Variants in SLC1A3 observed in about 807,000 individuals in gnomAD.
SLC1A3 encodes excitatory amino acid transporter 1.
SLC1A3 carries 21 observed loss-of-function variants against 48.1 expected under a neutral mutation model. The ratio of observed to expected loss-of-function variants is 0.44; its 90% confidence interval spans 0.31 to 0.63. The LOEUF (loss-of-function observed/expected upper bound fraction) is 0.63, where lower values mean the gene tolerates loss of function less well. SLC1A3 is among the 20% of genes least tolerant of loss of function. The pLI is 0.08. For missense variants in SLC1A3, 546 were observed against 689.0 expected (o/e 0.79, Z 2.32); for synonymous variants, 239 against 251.4 (o/e 0.95, Z 0.47).
chr5:36,603,855 T>A (rs546262779), upstream of SLC1A3, among the ~76,000 whole-genome samples: 42 of 152,318 alleles, frequency 2.8e-4, 1 homozygote, highest in Admixed American at 7.2e-4. Context: ...ATCATTAAAT[T>A]AAAAATCAAC....
At chr5:36,600,825 C>T (rs1300046664) in intron 1 of SLC1A3, among the ~76,000 whole-genome samples, 7 of 152,186 alleles carry the variant, frequency 4.6e-5, no homozygotes, top group Non-Finnish European at 7.3e-5. Context: ...TATGTTTTAA[C>T]GCTTAAACTA....
intron 3 of SLC1A3, among the ~76,000 whole-genome samples, chr5:36,659,417 C>A (rs1049821142): frequency 6.6e-6 from 1 of 152,180 alleles, no homozygotes; most frequent in Admixed American, 6.5e-5. Flanking sequence ...AGCTAAAAAT[C>A]CTTTTTTAAA....
intron 3 of SLC1A3, chr5:36,649,218 C>G (rs553670195): frequency 5.3e-4 from 80 of 152,054 alleles, no homozygotes; most frequent in African/African-American, 1.9e-3. Context: ...TTTGGTGGCC[C>G]ATGCTTGTAA....
chr5:36,687,151 C>G lies in SLC1A3; in HGVS notation c.*882C>G, dbSNP rs1264889587. 6.6e-6 allele frequency: 1 copy of G among 152,300 alleles called. No individual in the cohort carries two copies. The highest frequency in any genetic ancestry group is 1.5e-5 in the Non-Finnish European group (1 of 68,090). The allele number at this position is 152,300 out of a possible 1,614,324, so 9.4% of individuals were successfully genotyped here. On this transcript the variant is annotated 3_prime_UTR_variant, in exon 10 of 10. Transcript: ENST00000265113. The stretch of plus-strand genomic sequence containing the variant: ...CCATTCCAGGAGTGGGATTATTCAT[C>G]AAACTCTTTGCCCAGTTCATCCCAA...
rs1742645277 is a variant in SLC1A3 at position 36,686,281 on chromosome 5, G to C, written c.*12G>C. Reference sequence around the variant, plus strand: ...AAACCAAGATGTAGACTAACATAAAGAAACACTTTCTTGAGCACCAGGTGT... The same window carrying C: ...AAACCAAGATGTAGACTAACATAAACAAACACTTTCTTGAGCACCAGGTGT... On this transcript the variant is annotated 3_prime_UTR_variant, in exon 10 of 10. Coordinates refer to ENST00000265113, the MANE Select transcript of SLC1A3 (RefSeq NM_004172.5). 1 of 1,592,958 alleles carries C rather than the reference G, an allele frequency of 6.3e-7. No individual in the cohort carries two copies. Among genetic ancestry groups the C allele is most frequent in the Non-Finnish European group, 8.6e-7 (1 of 1,160,832 alleles).
At chr5:36,672,048 A>G (rs16903256) in intron 4 of SLC1A3, among the ~76,000 whole-genome samples, 4,845 of 152,270 alleles carry the variant, frequency 0.032, 286 homozygotes, top group African/African-American at 0.11. Context: ...CCTACAAACG[A>G]TGGTAAGGCC....
chr5:36,665,602 G>T (rs952375665), intron 3 of SLC1A3, among the ~76,000 whole-genome samples: 3 of 152,170 alleles, frequency 2.0e-5, no homozygotes, highest in Non-Finnish European at 4.4e-5. Context: ...CCTAACATTT[G>T]TTGAATGCTT....
At chr5:36,647,828 AAAATTATTAGGCT>A (rs1408652168) in intron 3 of SLC1A3, among the ~76,000 whole-genome samples, 1 of 152,238 alleles carries the variant, frequency 6.6e-6, no homozygotes, top group Non-Finnish European at 1.5e-5. Context: ...GGCAAAAGTC[AAAATTATTAGGCT>A]TTAAAAGACA....
At position 36,615,812 on chromosome 5, in the gene SLC1A3, G is replaced by T. The variant is rs551065424; in HGVS notation, c.181+7208G>T. 3.3e-5 allele frequency among the ~76,000 whole-genome samples: 5 copies of T among 152,350 alleles called. No homozygotes were observed. In the South Asian group the frequency reaches 1.0e-3, roughly 32 times the overall value. On this transcript the variant is annotated intron_variant, in intron 2 of 9. Coordinates refer to ENST00000265113, the MANE Select transcript of SLC1A3 (RefSeq NM_004172.5). ...ATCATTCATCAAGTATTTGCTGGCA[G>T]CTAGGTGAGCTGCATCATTGCTGGG...
chr5:36,612,039 G>A (rs1739220517), intron 2 of SLC1A3, among the ~76,000 whole-genome samples: 1 of 152,060 alleles, frequency 6.6e-6, no homozygotes, highest in Non-Finnish European at 1.5e-5. Context: ...TAAACTAGCA[G>A]CTTTCTCTGA....
chr5:36,605,368 T>C (rs1738891377), upstream of SLC1A3, among the ~76,000 whole-genome samples: 1 of 152,210 alleles, frequency 6.6e-6, no homozygotes, highest in Non-Finnish European at 1.5e-5. Flanking sequence ...CTTAAAATGA[T>C]AGCATGTTAG....
Position 36,686,386 on chromosome 5 carries a change from C to T in SLC1A3, c.*117C>T, listed in dbSNP as rs1561289027. On this transcript the variant is annotated 3_prime_UTR_variant, in exon 10 of 10. Transcript: ENST00000265113. ...CCCGTCATCTTCCCTTTCCTCCCTT[C>T]TGATAAGACTGGAAAATAGTCCTCC... is the stretch of plus-strand genomic sequence containing the variant. 4 of 841,164 alleles carry T rather than the reference C, an allele frequency of 4.8e-6. No individual in the cohort carries two copies. In the African/African-American group the frequency reaches 5.0e-5, roughly 11 times the overall value. The allele number at this position is 841,164 out of a possible 1,614,324, so 52.1% of individuals were successfully genotyped here. A position where few individuals can be genotyped will look rare whatever the true frequency, so the allele number is the denominator to read the frequency against.
At chr5:36,611,023 G>C (rs1047299485) in intron 2 of SLC1A3, among the ~76,000 whole-genome samples, 1 of 152,188 alleles carries the variant, frequency 6.6e-6, no homozygotes, top group African/African-American at 2.4e-5. Context: ...TTATCTGTTA[G>C]TGTGTCTTCC....
At chr5:36,636,497 T>TTCTC (rs1561255286) in intron 3 of SLC1A3, 2 of 87,206 alleles carry the variant, frequency 2.3e-5, no homozygotes, top group Non-Finnish European at 5.2e-5. Flanking sequence ...CTTTCTTTCT[T>TTCTC]TCTTTCTTTT....
At chr5:36,599,079 A>T (rs1738775600) in intron 1 of SLC1A3, among the ~76,000 whole-genome samples, 2 of 152,270 alleles carry the variant, frequency 1.3e-5, no homozygotes, top group African/African-American at 4.8e-5. Context: ...AAAACAGCGC[A>T]TCTCAAATCC....
At chr5:36,684,581 G>A (rs921303201) in intron 9 of SLC1A3, among the ~76,000 whole-genome samples, 4 of 152,022 alleles carry the variant, frequency 2.6e-5, no homozygotes, top group Middle Eastern at 3.2e-3. Flanking sequence ...CCCTTCCCTC[G>A]CTCTTCCAGC....
At chr5:36,598,556 G>C (rs978186983) in intron 1 of SLC1A3, among the ~76,000 whole-genome samples, 5 of 152,128 alleles carry the variant, frequency 3.3e-5, no homozygotes, top group African/African-American at 1.2e-4. Flanking sequence ...TTCTAACAGT[G>C]CTGACCAATA....
chr5:36,664,228 G>A (rs1741639771), intron 3 of SLC1A3, among the ~76,000 whole-genome samples: 1 of 152,164 alleles, frequency 6.6e-6, no homozygotes, highest in Non-Finnish European at 1.5e-5. Flanking sequence ...CTGCCTCCCA[G>A]GTTCGAGGGA....
chr5:36,677,938 C>T (rs1475277578), intron 6 of SLC1A3, among the ~76,000 whole-genome samples: 1 of 152,160 alleles, frequency 6.6e-6, no homozygotes, highest in Non-Finnish European at 1.5e-5. Flanking sequence ...TTACAAAATG[C>T]CAAGCCACAA....
Sources: gnomAD v4.1 joint callset for allele counts (sites outside exome capture counted in the v4.1 genomes callset) on GRCh38, gnomAD v4.1.1 for gene constraint, MANE v1.5 for transcripts, NCBI Gene and HGNC (gene_info 2026-07-23, HGNC 2026-07-21) for gene names.